Variants in BTBD1 observed in about 807,000 individuals in gnomAD.
BTBD1 encodes BTB domain containing 1.
Under a neutral mutation model 48.0 loss-of-function variants are expected in BTBD1, and 34 were observed. That is an observed-to-expected ratio of 0.71 (90% CI 0.54 to 0.94). The LOEUF is 0.94. Ranked by LOEUF, BTBD1 falls within the 40% of genes least tolerant of loss-of-function variation. BTBD1 has a pLI of 0.00. For synonymous variants in BTBD1, 261 were observed against 242.1 expected, an observed-to-expected ratio of 1.08 and a Z score of -0.72; for missense variants, 543 against 625.6, an observed-to-expected ratio of 0.87 and a Z score of 1.41.
rs1425321128 is a variant in BTBD1 at position 83,059,540 on chromosome 15, G to A, written c.402-2995C>T. ...AGCCTGGGCGACAGAGCAAGACTCC[G>A]TCTCAAAAACAACAACAACAACAAC... On this transcript the variant is annotated intron_variant, in intron 1 of 7. Transcript: ENST00000261721. 6.6e-5 allele frequency among the ~76,000 whole-genome samples: 10 copies of A among 152,090 alleles called. No individual in the cohort carries two copies. In the South Asian group the frequency reaches 8.3e-4, roughly 13 times the overall value.
chr15:83,044,377 G>T, intron 3 of BTBD1: 1 of 1,539,872 alleles, frequency 6.5e-7, no homozygotes. Context: ...CATGGCCACA[G>T]TTCAGCAGCT....
chr15:83,019,321 C>A (rs1663784585), intron 6 of BTBD1, among the ~76,000 whole-genome samples: 1 of 151,918 alleles, frequency 6.6e-6, no homozygotes, highest in Non-Finnish European at 1.5e-5. Context: ...CTCAGCCTCC[C>A]AAAGTGCTGG....
chr15:83,031,298 A>C (rs772394861), intron 4 of BTBD1, among the ~76,000 whole-genome samples: 1 of 152,158 alleles, frequency 6.6e-6, no homozygotes, highest in African/African-American at 2.4e-5. Flanking sequence ...GCACTTTTTC[A>C]TGTGTCTGTT....
At chr15:83,057,145 T>A (rs189754197) in intron 1 of BTBD1, among the ~76,000 whole-genome samples, 3 of 152,174 alleles carry the variant, frequency 2.0e-5, no homozygotes, top group Non-Finnish European at 4.4e-5. Context: ...TCCTCTCACA[T>A]AGAAGGAAGG....
In BTBD1 at chr15:83,067,086, G is replaced by A. The variant is rs761495465; in HGVS notation, c.66C>T (p.Pro22=). ...GTGAGGGCGGCGGCGGCGGCCCCGCGGGGCCCGGCTCCGCCTCAGCCCCCG... is the reference window on the plus strand; with the variant it reads ...GTGAGGGCGGCGGCGGCGGCCCCGCAGGGCCCGGCTCCGCCTCAGCCCCCG... ...QASGAEAEPG[P]AGPPPPPSPS... Residue 22 remains proline (P), a synonymous_variant, in exon 1 of 8, where the codon CCC becomes CCT. Coordinates refer to ENST00000261721, the MANE Select transcript of BTBD1 (RefSeq NM_025238.4). 1.3e-5 allele frequency: 20 copies of A among 1,529,230 alleles called. No individual in the cohort carries two copies. Among genetic ancestry groups the A allele is most frequent in the African/African-American group, 4.3e-5 (3 of 69,300 alleles). The allele number at this position is 1,529,230 out of a possible 1,614,324, so 94.7% of individuals were successfully genotyped here. A position where few individuals can be genotyped will look rare whatever the true frequency, so the allele number is the denominator to read the frequency against.
At chr15:83,044,310 G>C in intron 3 of BTBD1, 1 of 910,946 alleles carries the variant, frequency 1.1e-6, no homozygotes, top group Non-Finnish European at 1.7e-6. Flanking sequence ...CAGTTCGACA[G>C]CAAGCTGCCC....
intron 1 of BTBD1, among the ~76,000 whole-genome samples, chr15:83,060,813 ATAAAG>A (rs944075626): frequency 3.9e-5 from 6 of 152,278 alleles, no homozygotes; most frequent in Admixed American, 3.9e-4. Flanking sequence ...ATAAAATAAA[ATAAAG>A]TAAATTTTAA....
rs1014462427 is a variant in BTBD1 at position 83,016,441 on chromosome 15, ATATT to A, written c.*1622_*1625del. On this transcript the variant is annotated 3_prime_UTR_variant, in exon 8 of 8. Coordinates refer to ENST00000261721, the MANE Select transcript of BTBD1 (RefSeq NM_025238.4). ...AAAAGAGTTTTTTTTATATATATATATATTTATTTATTTTTAAAAACTCCAGGGG... is the reference window on the plus strand; with the variant it reads ...AAAAGAGTTTTTTTTATATATATATATATTTATTTTTAAAAACTCCAGGGG... 7.3e-5 allele frequency: 11 copies of A among 151,420 alleles called. No homozygotes were observed. The highest frequency in any genetic ancestry group is 1.7e-4 in the African/African-American group (7 of 41,442). The allele number at this position is 151,420 out of a possible 1,614,324, so 9.4% of individuals were successfully genotyped here.
chr15:83,060,721 C>T (rs555391150), intron 1 of BTBD1, among the ~76,000 whole-genome samples: 1 of 152,212 alleles, frequency 6.6e-6, no homozygotes, highest in South Asian at 2.1e-4. Context: ...TTGAACCCAG[C>T]AAGCGGAGAT....
Position 83,018,162 on chromosome 15 carries a change from T to A in BTBD1, c.1354A>T (p.Ser452Cys). ...KKVVHETPAA[S>C]KTVFFFFSSP... Reference sequence around the variant, plus strand: ...CTAAAAAAGAAAAAAACAGTCTTGCTTGCAGCAGGTGTCTCATGCACTACT... The same window carrying A: ...CTAAAAAAGAAAAAAACAGTCTTGCATGCAGCAGGTGTCTCATGCACTACT... The change falls in exon 8 of 8, where the codon AGC becomes TGC. Residue 452 changes from serine to cysteine, a missense_variant. Ser to Cys is a moderately radical substitution (Grantham distance 112). Transcript: ENST00000261721. 6.2e-7 allele frequency: 1 copy of A among 1,613,084 alleles called. No individual in the cohort carries two copies. Among genetic ancestry groups the A allele is most frequent in the African/African-American group, 1.3e-5 (1 of 75,042 alleles).
At chr15:83,048,899 G>A (rs376288936) in intron 3 of BTBD1, among the ~76,000 whole-genome samples, 5 of 152,302 alleles carry the variant, frequency 3.3e-5, no homozygotes, top group South Asian at 4.1e-4. Context: ...GAATCAGTGA[G>A]TGACAGTGGT....
rs753281574 is a variant in BTBD1, at chr15:83,018,828, G to A, written c.1169C>T (p.Thr390Ile). 6.8e-6 allele frequency: 11 copies of A among 1,613,726 alleles called. No homozygotes were observed. The highest frequency in any genetic ancestry group is 9.3e-6 in the Non-Finnish European group (11 of 1,179,844). ...IQIIEYEKKQ[T>I]LGQNDTGFSC... ...AAAGCCGGTATCATTCTGTCCCAGG[G>A]TTTGCTTTTTCTCATATTCAATGAT... The change falls in exon 7 of 8, where the codon ACC becomes ATC. Residue 390 changes from threonine (T) to isoleucine (I), a missense_variant. By Grantham distance (89) the Thr-to-Ile change is moderately conservative (BLOSUM62 -1). Around this residue, in one of 3 missense-constraint regions of BTBD1, gnomAD observed 300 missense variants for 350.0 expected, o/e 0.86. Coordinates refer to ENST00000261721, the MANE Select transcript of BTBD1 (RefSeq NM_025238.4).
chr15:83,025,357 C>CAAAAAAAAAA (rs767479917), intron 5 of BTBD1, among the ~76,000 whole-genome samples: 60 of 64,158 alleles, frequency 9.4e-4, no homozygotes, highest in African/African-American at 9.9e-4. Flanking sequence ...GACTCCATCA[C>CAAAAAAAAAA]AAAAAAAAAA....
intron 5 of BTBD1, among the ~76,000 whole-genome samples, chr15:83,021,742 A>AAATAATAATAAT (rs57670003): frequency 0.041 from 5,965 of 145,318 alleles, 160 homozygotes; most frequent in African/African-American, 0.071. Flanking sequence ...ACTCCTTCTC[A>AAATAATAATAAT]AATAATAATA....
chr15:83,058,239 T>C (rs1261982316), intron 1 of BTBD1, among the ~76,000 whole-genome samples: 1 of 152,274 alleles, frequency 6.6e-6, no homozygotes, highest in Non-Finnish European at 1.5e-5. Flanking sequence ...CTCTGGATTC[T>C]GGGCTCCAGA....
At chr15:83,053,685 CAA>C (rs2033033310) in intron 2 of BTBD1, among the ~76,000 whole-genome samples, 1 of 152,126 alleles carries the variant, frequency 6.6e-6, no homozygotes, top group Non-Finnish European at 1.5e-5. Flanking sequence ...ATTTTAATGA[CAA>C]ATTCAAAAGA....
chr15:83,052,128 T>C (rs1024934332), intron 2 of BTBD1, among the ~76,000 whole-genome samples: 2 of 152,110 alleles, frequency 1.3e-5, no homozygotes, highest in Admixed American at 6.6e-5. Context: ...ACCTAATCTT[T>C]GAATTTTTAA....
chr15:83,029,540 T>A (rs1369463943), intron 5 of BTBD1: 1 of 152,392 alleles, frequency 6.6e-6, no homozygotes, highest in African/African-American at 2.4e-5. Flanking sequence ...TCAATTAAGG[T>A]CTAGAACTCA....
Position 83,058,582 on chromosome 15 carries a change from C to T in BTBD1, c.402-2037G>A, listed in dbSNP as rs541927641. Reference sequence around the variant, plus strand: ...GGAGATCGCAACACTGCACTCTAGCCCGGCCAACAAAGTGAGACTTAAAAA... The same window carrying T: ...GGAGATCGCAACACTGCACTCTAGCTCGGCCAACAAAGTGAGACTTAAAAA... On this transcript the variant is annotated intron_variant, in intron 1 of 7. Transcript: ENST00000261721. Among the ~76,000 whole-genome samples, 5 of 151,816 alleles carry T rather than the reference C, an allele frequency of 3.3e-5. No homozygotes were observed. The South Asian group carries it at 1.0e-3, about 32-fold the overall frequency.
Sources: gnomAD v4.1 joint callset for allele counts (sites outside exome capture counted in the v4.1 genomes callset) on GRCh38, gnomAD v4.1.1 for gene constraint, gnomAD v4.1.1 regional missense constraint, MANE v1.5 for transcripts, NCBI Gene and HGNC (gene_info 2026-07-23, HGNC 2026-07-21) for gene names.